The following GRID2 variants were observed in gnomAD, a reference collection of about 807,000 sequenced individuals.
GRID2 encodes glutamate receptor ionotropic, delta-2.
In GRID2, 33 loss-of-function variants were observed where a neutral mutation model predicts 114.8. That is an observed-to-expected ratio of 0.29 (90% CI 0.22 to 0.38). The LOEUF (loss-of-function observed/expected upper bound fraction) is 0.38, where lower values mean the gene tolerates loss of function less well. GRID2 is among the 10% of genes least tolerant of loss of function. The pLI is 1.00. For synonymous variants in GRID2, 505 were observed against 449.9 expected, an observed-to-expected ratio of 1.12 and a Z score of -1.55; for missense variants, 1,184 against 1,257.7, an observed-to-expected ratio of 0.94 and a Z score of 0.89.
chr4:93,032,550 CTCTTA>C (rs749861083), intron 2 of GRID2, among the ~76,000 whole-genome samples: 1 of 152,118 alleles, frequency 6.6e-6, no homozygotes, highest in Non-Finnish European at 1.5e-5. Context: ...GATTTCTTAA[CTCTTA>C]TCTTAATTAG....
At chr4:92,453,058 G>T (rs1721024967) in intron 1 of GRID2, among the ~76,000 whole-genome samples, 1 of 151,852 alleles carries the variant, frequency 6.6e-6, no homozygotes, top group Non-Finnish European at 1.5e-5. Flanking sequence ...GGGTGTGTGT[G>T]TGGGGGTGTA....
intron 4 of GRID2, among the ~76,000 whole-genome samples, chr4:93,155,495 A>C (rs1737093579): frequency 6.6e-6 from 1 of 151,916 alleles, no homozygotes; most frequent in Admixed American, 6.6e-5. Flanking sequence ...GCACTTAACA[A>C]ATTTTATTGT....
At chr4:92,554,828 T>C (rs1355423959) in intron 1 of GRID2, among the ~76,000 whole-genome samples, 1 of 152,142 alleles carries the variant, frequency 6.6e-6, no homozygotes, top group African/African-American at 2.4e-5. Context: ...TCTAGCTCTA[T>C]CGTTATGTAT....
chr4:93,350,249 G>A (rs925662676), intron 8 of GRID2, among the ~76,000 whole-genome samples: 1 of 152,024 alleles, frequency 6.6e-6, no homozygotes, highest in African/African-American at 2.4e-5. Context: ...TGCAACCTTC[G>A]TTAATCTTTC....
At chr4:92,604,040 AG>A (rs1344328941) in intron 2 of GRID2, among the ~76,000 whole-genome samples, 1 of 152,196 alleles carries the variant, frequency 6.6e-6, no homozygotes, top group Non-Finnish European at 1.5e-5. Context: ...AAGAAACAAC[AG>A]ATGCTGGTGT....
intron 1 of GRID2, among the ~76,000 whole-genome samples, chr4:92,546,988 C>A (rs1407702775): frequency 6.6e-6 from 1 of 152,098 alleles, no homozygotes; most frequent in African/African-American, 2.4e-5. Flanking sequence ...GTTCACAAAC[C>A]CTGAGAGATA....
At chr4:93,472,873 T>C (rs1353655037) in intron 11 of GRID2, among the ~76,000 whole-genome samples, 5 of 152,066 alleles carry the variant, frequency 3.3e-5, no homozygotes, top group African/African-American at 1.2e-4. Flanking sequence ...GCTGAAGTAA[T>C]GCAAAGCTGA....
At chr4:92,505,385 A>G (rs1723908626) in intron 1 of GRID2, among the ~76,000 whole-genome samples, 1 of 152,054 alleles carries the variant, frequency 6.6e-6, no homozygotes, top group African/African-American at 2.4e-5. Flanking sequence ...CTCCTAAATT[A>G]TAATATAGAT....
chr4:92,678,511 T>C (rs1191635670), intron 2 of GRID2, among the ~76,000 whole-genome samples: 1 of 152,038 alleles, frequency 6.6e-6, no homozygotes, highest in Non-Finnish European at 1.5e-5. Context: ...AATACGTTAG[T>C]CACTGGTGTC....
rs148753430 is a variant in GRID2, at chr4:93,089,724, G to A, written c.529+4445G>A. On this transcript the variant is annotated intron_variant, in intron 3 of 15. Transcript: ENST00000282020. ...GTAATGCTGTCAGAAATTGTAAAAG[G>A]TTGGGAATTTTATCCTATTTGCAAG... is the stretch of plus-strand genomic sequence containing the variant. Among the ~76,000 whole-genome samples the A allele has an allele frequency of 2.0e-3, 297 of 152,226 alleles. 1 individual carries two copies. The highest frequency in any genetic ancestry group is 3.3e-3 in the Non-Finnish European group (224 of 68,012).
chr4:92,364,349 C>T (rs939311438), intron 1 of GRID2, among the ~76,000 whole-genome samples: 1 of 151,938 alleles, frequency 6.6e-6, no homozygotes, highest in Non-Finnish European at 1.5e-5. Flanking sequence ...CACCAGAACA[C>T]GTGTAAAAAT....
intron 10 of GRID2, among the ~76,000 whole-genome samples, chr4:93,445,548 T>A (rs949937867): frequency 6.6e-6 from 1 of 152,046 alleles, no homozygotes; most frequent in Non-Finnish European, 1.5e-5. Flanking sequence ...GTTTCACTTT[T>A]ATGTTTTGTT....
chr4:93,240,742 T>C (rs1747406956), intron 8 of GRID2, among the ~76,000 whole-genome samples: 1 of 151,392 alleles, frequency 6.6e-6, no homozygotes, highest in Non-Finnish European at 1.5e-5. Context: ...AATTAAGGTC[T>C]TTTATCTATC....
intron 1 of GRID2, among the ~76,000 whole-genome samples, chr4:92,308,796 T>C (rs1725548327): frequency 6.6e-6 from 1 of 151,960 alleles, no homozygotes; most frequent in African/African-American, 2.4e-5. Flanking sequence ...CCCCCAGGAC[T>C]CCTCAAGGAT....
At chr4:92,357,758 A>G (rs1359252656) in intron 1 of GRID2, among the ~76,000 whole-genome samples, 1 of 151,888 alleles carries the variant, frequency 6.6e-6, no homozygotes, top group African/African-American at 2.4e-5. Context: ...TCTTTGAGTC[A>G]CAGTATTTTA....
chr4:92,843,363 G>T (rs1743057854), intron 2 of GRID2, among the ~76,000 whole-genome samples: 1 of 152,030 alleles, frequency 6.6e-6, no homozygotes, highest in African/African-American at 2.4e-5. Flanking sequence ...ACCTCATTTT[G>T]AATTCAAGAA....
rs138907260 is a variant in GRID2 at position 92,544,618 on chromosome 4, C to T, written c.89-45513C>T. On this transcript the variant is annotated intron_variant, in intron 1 of 15. Coordinates refer to ENST00000282020, the MANE Select transcript of GRID2 (RefSeq NM_001510.4). ...TTTTAACATATTAAAAGAGCACTGA[C>T]GCAGTTCAGCCTTTTCATTTCCAGA... Among the ~76,000 whole-genome samples, 1,128 of 152,222 alleles carry T rather than the reference C, an allele frequency of 7.4e-3. 6 individuals are homozygous for T. Among genetic ancestry groups the T allele is most frequent in the Middle Eastern group, 0.031 (9 of 292 alleles).
intron 1 of GRID2, among the ~76,000 whole-genome samples, chr4:92,511,169 GC>G (rs1724226804): frequency 6.6e-6 from 1 of 151,812 alleles, no homozygotes. Flanking sequence ...TTCTAGGCAG[GC>G]CTTAGGGAGC....
intron 1 of GRID2, among the ~76,000 whole-genome samples, chr4:92,431,152 G>A (rs947711802): frequency 6.6e-6 from 1 of 152,144 alleles, no homozygotes; most frequent in Non-Finnish European, 1.5e-5. Flanking sequence ...TTGAATACAA[G>A]TGGTGAAAGT....
Sources: allele counts gnomAD v4.1 joint callset (sites outside exome capture counted in the v4.1 genomes callset), GRCh38; gene constraint gnomAD v4.1.1; transcripts MANE v1.5; gene names NCBI Gene and HGNC (gene_info 2026-07-23, HGNC 2026-07-21).